CSMD1: variants seen among roughly 807,000 people sequenced by gnomAD.
CSMD1 encodes CUB and Sushi multiple domains 1.
A neutral mutation model predicts 417.5 loss-of-function variants in CSMD1; 213 were observed. The ratio of observed to expected loss-of-function variants is 0.51; its 90% CI spans 0.46 to 0.57. The LOEUF is 0.57. Among genes scored for constraint, CSMD1 ranks in the 20% least tolerant of loss-of-function variants. CSMD1 has a pLI of 0.00. For missense variants in CSMD1, 6,923 were observed against 4,529.7 expected (o/e 1.53, Z -15.17); for synonymous variants, 2,862 against 1,736.8 (o/e 1.65, Z -16.11).
At chr8:4,726,975 A>T (rs1809501293) in intron 1 of CSMD1, among the ~76,000 whole-genome samples, 1 of 152,170 alleles carries the variant, frequency 6.6e-6, no homozygotes, top group Non-Finnish European at 1.5e-5. Flanking sequence ...GGATGAGATG[A>T]TTAGGATGGA....
intron 5 of CSMD1, among the ~76,000 whole-genome samples, chr8:3,839,206 T>C (rs1305038927): frequency 1.2e-4 from 15 of 125,554 alleles, no homozygotes; most frequent in South Asian, 4.7e-4. Flanking sequence ...TAATATGTAA[T>C]AAATTAATAT....
intron 49 of CSMD1, among the ~76,000 whole-genome samples, chr8:3,055,394 T>C (rs17079177): frequency 0.016 from 2,375 of 152,288 alleles, 54 homozygotes; most frequent in African/African-American, 0.052. Flanking sequence ...ATTTGGTAGA[T>C]TTAAAATAAC....
intron 2 of CSMD1, among the ~76,000 whole-genome samples, chr8:4,589,617 T>G (rs146182837): frequency 6.6e-6 from 1 of 152,316 alleles, no homozygotes; most frequent in African/African-American, 2.4e-5. Flanking sequence ...ACTCAAAAAG[T>G]GTTCATTCTA....
intron 3 of CSMD1, among the ~76,000 whole-genome samples, chr8:4,273,294 A>G (rs1336963536): frequency 6.6e-6 from 1 of 152,162 alleles, no homozygotes; most frequent in African/African-American, 2.4e-5. Context: ...GAGTATATGT[A>G]TATAATTTTT....
chr8:4,063,621 G>A (rs56084653), intron 3 of CSMD1, among the ~76,000 whole-genome samples: 1 of 152,088 alleles, frequency 6.6e-6, no homozygotes, highest in African/African-American at 2.4e-5. Flanking sequence ...CAGTTCAGCG[G>A]CTTCCAGCAG....
chr8:3,023,994 C>A (rs924717316), intron 51 of CSMD1, among the ~76,000 whole-genome samples: 5 of 151,980 alleles, frequency 3.3e-5, no homozygotes, highest in African/African-American at 1.2e-4. Flanking sequence ...GAAGCTAGCA[C>A]AGTGTGGAAA....
chr8:3,742,878 G>C (rs1490634210), intron 6 of CSMD1, among the ~76,000 whole-genome samples: 1 of 152,236 alleles, frequency 6.6e-6, no homozygotes, highest in Admixed American at 6.5e-5. Context: ...AATGTGTTAT[G>C]ACTGCAATGG....
At chr8:3,811,522 G>T (rs1401129951) in intron 5 of CSMD1, among the ~76,000 whole-genome samples, 1 of 152,008 alleles carries the variant, frequency 6.6e-6, no homozygotes, top group Non-Finnish European at 1.5e-5. Context: ...TTGTTCCCTG[G>T]TGTTCCTTGA....
rs191965179 is a variant in CSMD1, at chr8:3,316,637, C to G, written c.3632-8134G>C. Among the ~76,000 whole-genome samples, 575 of 152,102 alleles carry G rather than the reference C, an allele frequency of 3.8e-3. 2 individuals carry two copies. The highest frequency in any genetic ancestry group is 5.6e-3 in the Non-Finnish European group (384 of 68,000). On this transcript the variant is annotated intron_variant, in intron 23 of 69. Coordinates refer to ENST00000635120, the MANE Select transcript of CSMD1 (RefSeq NM_033225.6). ...TCAAATCGCATGGCAGTTGGGAACA[C>G]CAATTTACAGGAACATTTGTATATG...
At chr8:3,906,646 T>A (rs554600535) in intron 5 of CSMD1, among the ~76,000 whole-genome samples, 77 of 152,010 alleles carry the variant, frequency 5.1e-4, no homozygotes, top group African/African-American at 1.7e-3. Flanking sequence ...TTTTCAGATT[T>A]GCAAAGTACA....
chr8:3,524,944 T>C (rs1797693434), intron 10 of CSMD1, among the ~76,000 whole-genome samples: 1 of 152,146 alleles, frequency 6.6e-6, no homozygotes, highest in South Asian at 2.1e-4. Context: ...AAAAAAATGT[T>C]TCTAAAAAGC....
intron 10 of CSMD1, among the ~76,000 whole-genome samples, chr8:3,556,539 CACACACACA>C (rs1799158910): frequency 4.0e-5 from 6 of 149,222 alleles, no homozygotes; most frequent in African/African-American, 1.5e-4. Flanking sequence ...CACACACACA[CACACACACA>C]CACCCTCTCT....
At chr8:3,511,145 C>G (rs1435541232) in intron 10 of CSMD1, among the ~76,000 whole-genome samples, 1 of 151,760 alleles carries the variant, frequency 6.6e-6, no homozygotes, top group Non-Finnish European at 1.5e-5. Context: ...AAACCAAACA[C>G]TGCATGTTCT....
At chr8:3,470,331 C>G (rs1015664380) in intron 11 of CSMD1, among the ~76,000 whole-genome samples, 22 of 152,146 alleles carry the variant, frequency 1.4e-4, no homozygotes, top group Non-Finnish European at 1.5e-5. Flanking sequence ...GGATGATTAA[C>G]ATTTCTAAAT....
chr8:3,998,682 A>G (rs1450638164), intron 4 of CSMD1, among the ~76,000 whole-genome samples: 1 of 152,146 alleles, frequency 6.6e-6, no homozygotes, highest in African/African-American at 2.4e-5. Context: ...AAAATGGAAT[A>G]TCTTAGAAAA....
intron 30 of CSMD1, among the ~76,000 whole-genome samples, chr8:3,209,279 ATTTG>A (rs573695225): frequency 3.5e-4 from 39 of 111,992 alleles, no homozygotes; most frequent in African/African-American, 9.9e-4. Context: ...ATTTTTATTT[ATTTG>A]TTTGTTTGTT....
chr8:3,968,612 T>C (rs912730222), intron 5 of CSMD1, among the ~76,000 whole-genome samples: 20 of 152,178 alleles, frequency 1.3e-4, no homozygotes, highest in Non-Finnish European at 7.3e-5. Flanking sequence ...CTAAGGAAGA[T>C]GTCTTTCTCT....
intron 2 of CSMD1, among the ~76,000 whole-genome samples, chr8:4,579,980 A>G (rs185569179): frequency 1.8e-4 from 27 of 152,056 alleles, no homozygotes; most frequent in Admixed American, 1.6e-3. Context: ...CTTGCTTTTT[A>G]TTTTCTTAAA....
intron 1 of CSMD1, among the ~76,000 whole-genome samples, chr8:4,810,549 G>A (rs1056815980): frequency 1.7e-4 from 26 of 152,280 alleles, no homozygotes; most frequent in South Asian, 1.0e-3. Context: ...GTGCGCACGC[G>A]CGTATGTGTG....
Sources: allele counts gnomAD v4.1 joint callset (sites outside exome capture counted in the v4.1 genomes callset), GRCh38; gene constraint gnomAD v4.1.1; transcripts MANE v1.5; gene names NCBI Gene and HGNC (gene_info 2026-07-23, HGNC 2026-07-21).